The following MLLT10 variants were observed in gnomAD, a reference collection of about 807,000 sequenced individuals.
The protein encoded by MLLT10 is MLLT10 histone lysine methyltransferase DOT1L cofactor, also known as protein AF-10.
A neutral mutation model predicts 129.1 loss-of-function variants in MLLT10; 30 were observed. The ratio of observed to expected loss-of-function variants is 0.23; its 90% CI spans 0.17 to 0.32. The LOEUF (loss-of-function observed/expected upper bound fraction) is 0.32, where lower values mean the gene tolerates loss of function less well. Ranked by LOEUF, MLLT10 falls within the 10% of genes least tolerant of loss-of-function variation. MLLT10 has a pLI of 1.00. For missense variants in MLLT10, 1,119 were observed against 1,268.3 expected, an observed-to-expected ratio of 0.88 and a Z score of 1.79; for synonymous variants, 490 against 446.4, an observed-to-expected ratio of 1.10 and a Z score of -1.23.
At chr10:21,567,862 C>T (rs1261019131) in intron 3 of MLLT10, among the ~76,000 whole-genome samples, 32 of 151,330 alleles carry the variant, frequency 2.1e-4, no homozygotes, top group African/African-American at 5.8e-4. Flanking sequence ...CTCTGTCACC[C>T]AGGCTGGAGT....
At chr10:21,552,930 T>C (rs1360079194) in intron 3 of MLLT10, among the ~76,000 whole-genome samples, 1 of 151,910 alleles carries the variant, frequency 6.6e-6, no homozygotes, top group African/African-American at 2.4e-5. Context: ...TCCTTTCCTT[T>C]TTAAACCAGG....
intron 3 of MLLT10, among the ~76,000 whole-genome samples, chr10:21,562,449 T>C (rs533529366): frequency 1.5e-4 from 23 of 151,920 alleles, no homozygotes; most frequent in South Asian, 1.0e-3. Flanking sequence ...GCAATTCTCA[T>C]GTCTCAGCCT....
At chr10:21,568,162 G>C (rs1314973177) in intron 3 of MLLT10, among the ~76,000 whole-genome samples, 1 of 152,092 alleles carries the variant, frequency 6.6e-6, no homozygotes, top group East Asian at 1.9e-4. Context: ...CGGTGTTCCT[G>C]ATGTACTCAC....
chr10:21,680,249 C>T (rs2052597920), intron 11 of MLLT10, among the ~76,000 whole-genome samples: 1 of 151,522 alleles, frequency 6.6e-6, no homozygotes, highest in Non-Finnish European at 1.5e-5. Context: ...CTTGCTCTGT[C>T]GCCCAGGCTG....
At chr10:21,663,469 C>T (rs1432789240) in intron 9 of MLLT10, among the ~76,000 whole-genome samples, 2 of 151,548 alleles carry the variant, frequency 1.3e-5, no homozygotes, top group African/African-American at 2.4e-5. Flanking sequence ...TTCTGCTTCC[C>T]GGGTTCAAGT....
At chr10:21,591,008 A>G (rs1589121955) in intron 4 of MLLT10, among the ~76,000 whole-genome samples, 1 of 151,686 alleles carries the variant, frequency 6.6e-6, no homozygotes, top group Non-Finnish European at 1.5e-5. Context: ...GTTCCTCTCT[A>G]TTGCTTTTAT....
At chr10:21,599,076 G>T (rs1224364466) in intron 5 of MLLT10, among the ~76,000 whole-genome samples, 2 of 152,002 alleles carry the variant, frequency 1.3e-5, no homozygotes, top group African/African-American at 4.8e-5. Context: ...TACTCAGGAG[G>T]CTGAGGCAGG....
intron 3 of MLLT10, among the ~76,000 whole-genome samples, chr10:21,542,167 G>T (rs1416488879): frequency 6.6e-6 from 1 of 152,198 alleles, no homozygotes; most frequent in Non-Finnish European, 1.5e-5. Flanking sequence ...GGGAGTGTCA[G>T]AATGCCAGCA....
chr10:21,600,895 T>TA (rs1564485735), intron 5 of MLLT10, among the ~76,000 whole-genome samples: 1 of 152,192 alleles, frequency 6.6e-6, no homozygotes, highest in Non-Finnish European at 1.5e-5. Context: ...TCAGGAATAG[T>TA]AAACTATTAT....
rs529993002 is a variant in MLLT10 at position 21,711,582 on chromosome 10, CAAA to C, written c.1700-2175_1700-2173del. ...TAACCCACCGACCCCACAACCAACG[CAAA>C]AAAAAAAAAAAAAAGCCAGGTGTGG... On this transcript the variant is annotated intron_variant, in intron 13 of 22. Coordinates refer to ENST00000307729, the MANE Select transcript of MLLT10 (RefSeq NM_001195626.3). Among the ~76,000 whole-genome samples, 13 of 52,098 alleles carry C rather than the reference CAAA, an allele frequency of 2.5e-4. No homozygotes were observed. In the East Asian group the frequency reaches 4.4e-3, roughly 18 times the overall value. 34.2% of individuals were successfully genotyped at this position (52,098 alleles called of 152,430 possible).
At chr10:21,537,413 T>TCAGC in intron 2 of MLLT10, among the ~76,000 whole-genome samples, 1 of 152,308 alleles carries the variant, frequency 6.6e-6, no homozygotes, top group South Asian at 2.1e-4. Context: ...TTCTCCTGCC[T>TCAGC]CAGCCTCCTG....
intron 6 of MLLT10, among the ~76,000 whole-genome samples, chr10:21,613,748 T>C (rs2044914556): frequency 6.6e-6 from 1 of 151,454 alleles, no homozygotes; most frequent in Non-Finnish European, 1.5e-5. Flanking sequence ...ACTACAAATA[T>C]GAAGAAATTA....
At chr10:21,714,912 A>G (rs1399621767) in intron 14 of MLLT10, among the ~76,000 whole-genome samples, 1 of 152,194 alleles carries the variant, frequency 6.6e-6, no homozygotes, top group African/African-American at 2.4e-5. Context: ...AGCTGTACCC[A>G]ATCCCCCTGT....
intron 14 of MLLT10, among the ~76,000 whole-genome samples, chr10:21,721,715 C>G (rs544855157): frequency 6.6e-6 from 1 of 152,216 alleles, no homozygotes; most frequent in Non-Finnish European, 1.5e-5. Flanking sequence ...TTGGTAGAGA[C>G]TTGCAGACGT....
chr10:21,569,823 G>C (rs2040006592), intron 3 of MLLT10, among the ~76,000 whole-genome samples: 1 of 152,088 alleles, frequency 6.6e-6, no homozygotes, highest in African/African-American at 2.4e-5. Context: ...GCTCACTATG[G>C]CCTTGACCTC....
At chr10:21,600,392 C>G (rs2043410884) in intron 5 of MLLT10, among the ~76,000 whole-genome samples, 1 of 151,884 alleles carries the variant, frequency 6.6e-6, no homozygotes, top group Non-Finnish European at 1.5e-5. Flanking sequence ...CACACACACA[C>G]ACACACACAC....
At chr10:21,626,712 C>G (rs1223950193) in intron 8 of MLLT10, among the ~76,000 whole-genome samples, 1 of 152,202 alleles carries the variant, frequency 6.6e-6, no homozygotes, top group Non-Finnish European at 1.5e-5. Context: ...AGGAATAAAA[C>G]TCTCAGTCAT....
chr10:21,550,652 C>G (rs904812691), intron 3 of MLLT10, among the ~76,000 whole-genome samples: 3 of 152,106 alleles, frequency 2.0e-5, no homozygotes, highest in African/African-American at 7.2e-5. Context: ...CTTCCTTAGC[C>G]TTATGAGTAG....
intron 3 of MLLT10, chr10:21,556,878 A>G (rs1283091237): frequency 1.3e-6 from 2 of 1,551,008 alleles, no homozygotes; most frequent in South Asian, 1.2e-5. Flanking sequence ...ATTCTTTTTT[A>G]TATTTATGGC....
Sources: gnomAD v4.1 joint callset for allele counts (sites outside exome capture counted in the v4.1 genomes callset) on GRCh38, gnomAD v4.1.1 for gene constraint, MANE v1.5 for transcripts, NCBI Gene and HGNC (gene_info 2026-07-23, HGNC 2026-07-21) for gene names.